KATNIP: variants seen among roughly 807,000 people sequenced by gnomAD.
The protein encoded by KATNIP is katanin interacting protein, also known as katanin-interacting protein.
Under a neutral mutation model 174.0 loss-of-function variants are expected in KATNIP, and 126 were observed. That is an observed-to-expected ratio of 0.72 (90% CI 0.63 to 0.84). The LOEUF (loss-of-function observed/expected upper bound fraction) is 0.84. KATNIP is among the 40% of genes least tolerant of loss of function. The pLI, the probability that KATNIP is intolerant of heterozygous loss-of-function variation, is 0.00. For synonymous variants in KATNIP, 810 were observed against 835.7 expected (o/e 0.97, Z 0.53); for missense variants, 1,958 against 2,109.7 (o/e 0.93, Z 1.41).
chr16:27,702,776 G>A (rs992379501), intron 11 of KATNIP, among the ~76,000 whole-genome samples: 2 of 152,194 alleles, frequency 1.3e-5, no homozygotes, highest in African/African-American at 4.8e-5. Context: ...TAGGCTAAAG[G>A]CAGCGCCATC....
chr16:27,740,837 G>A lies in KATNIP; in HGVS notation c.2540G>A (p.Arg847Lys). ...GACATCTTTAACCAGCCCCCCAACA[G>A]AGAGCGCCCTGCTAGTGGGAGGAGG... Reference protein sequence around the residue: ...DSDIFNQPPNRERPASGRRGS... With the variant: ...DSDIFNQPPNKERPASGRRGS... Residue 847 changes from arginine to lysine, a missense_variant, in exon 15 of 28, where the codon AGA becomes AAA. Coordinates refer to ENST00000261588, the MANE Select transcript of KATNIP (RefSeq NM_015202.5). 5.6e-6 allele frequency: 9 copies of A among 1,613,472 alleles called. No homozygotes were observed. The highest frequency in any genetic ancestry group is 1.1e-5 in the South Asian group (1 of 90,872).
chr16:27,676,501 T>G (rs1263141834), intron 6 of KATNIP, among the ~76,000 whole-genome samples: 2 of 152,202 alleles, frequency 1.3e-5, no homozygotes, highest in African/African-American at 4.8e-5. Context: ...TGGACATCTT[T>G]GGGGAGCCCT....
At chr16:27,746,942 A>T (rs189473092) in intron 15 of KATNIP, among the ~76,000 whole-genome samples, 1 of 152,368 alleles carries the variant, frequency 6.6e-6, no homozygotes, top group African/African-American at 2.4e-5. Flanking sequence ...CATTTTAGGC[A>T]CATAGAGACT....
rs761767672 is a variant in KATNIP, at chr16:27,677,961, C to T, written c.773C>T (p.Thr258Ile). The T allele has an allele frequency of 6.2e-7, 1 of 1,614,198 alleles. No homozygotes were observed. The highest frequency in any genetic ancestry group is 1.3e-5 in the African/African-American group (1 of 75,080). Residue 258 changes from threonine (T) to isoleucine (I), a missense_variant, in exon 7 of 28, where the codon ACC becomes ATC. Coordinates refer to ENST00000261588, the MANE Select transcript of KATNIP (RefSeq NM_015202.5). Reference sequence around the variant, plus strand: ...GGACGCTCTTCTCCAGGCCCAGACACCCTCGTGGTGCTGGAATTTAACCCA... The same window carrying T: ...GGACGCTCTTCTCCAGGCCCAGACATCCTCGTGGTGCTGGAATTTAACCCA... ...TEGRSSPGPD[T>I]LVVLEFNPAS...
chr16:27,687,593 C>T (rs2142873990), intron 8 of KATNIP: 1 of 152,306 alleles, frequency 6.6e-6, no homozygotes, highest in East Asian at 1.9e-4. Flanking sequence ...TCCTCTATTG[C>T]TCCAACCTCA....
chr16:27,554,689 C>G (rs1198602224), intron 1 of KATNIP, among the ~76,000 whole-genome samples: 1 of 151,590 alleles, frequency 6.6e-6, no homozygotes, highest in African/African-American at 2.4e-5. Flanking sequence ...GATTGGCCCC[C>G]AAAAGGAAAA....
intron 2 of KATNIP, among the ~76,000 whole-genome samples, chr16:27,602,066 A>G (rs889568181): frequency 6.6e-6 from 1 of 152,162 alleles, no homozygotes; most frequent in Non-Finnish European, 1.5e-5. Context: ...CAGGTCCACT[A>G]ACAGCACCAG....
chr16:27,559,705 T>G (rs1596710238), intron 1 of KATNIP, among the ~76,000 whole-genome samples: 2 of 127,504 alleles, frequency 1.6e-5, no homozygotes, highest in Non-Finnish European at 1.7e-5. Flanking sequence ...AATAGTAAGG[T>G]CATGGTGGCT....
At chr16:27,745,429 C>T (rs1597359398) in intron 15 of KATNIP, among the ~76,000 whole-genome samples, 1 of 152,222 alleles carries the variant, frequency 6.6e-6, no homozygotes, top group Admixed American at 6.5e-5. Flanking sequence ...GAGGAAATGG[C>T]CTCACAGCCC....
chr16:27,670,481 A>C (rs901104849), intron 6 of KATNIP, among the ~76,000 whole-genome samples: 1 of 152,234 alleles, frequency 6.6e-6, no homozygotes, highest in African/African-American at 2.4e-5. Flanking sequence ...AGAAGAGCTC[A>C]TGAATGCCGT....
In KATNIP at chr16:27,778,967, G is replaced by C. The variant is rs2082602407; in HGVS notation, c.*338G>C. ...CTGACTCAGAACAGGACAATGACGG[G>C]GTGGGGAGGCATCCCATCCAGCCTC... On this transcript the variant is annotated 3_prime_UTR_variant, in exon 28 of 28. Coordinates refer to ENST00000261588, the MANE Select transcript of KATNIP (RefSeq NM_015202.5). 3.9e-6 allele frequency: 1 copy of C among 253,356 alleles called. No homozygotes were observed. The highest frequency in any genetic ancestry group is 1.6e-4 in the South Asian group (1 of 6,304). The allele number at this position is 253,356 out of a possible 1,614,324, so 15.7% of individuals were successfully genotyped here. A position where few individuals can be genotyped will look rare whatever the true frequency, so the allele number is the denominator to read the frequency against.
intron 3 of KATNIP, among the ~76,000 whole-genome samples, chr16:27,623,405 A>G (rs1313501449): frequency 6.6e-6 from 1 of 152,160 alleles, no homozygotes; most frequent in Non-Finnish European, 1.5e-5. Flanking sequence ...TACCCAACCC[A>G]GTATTCATCA....
intron 6 of KATNIP, among the ~76,000 whole-genome samples, chr16:27,670,950 G>A (rs1257879764): frequency 6.6e-6 from 1 of 152,142 alleles, no homozygotes; most frequent in Non-Finnish European, 1.5e-5. Context: ...CAAGCACTTT[G>A]GGAAGCCACG....
chr16:27,594,015 C>T (rs558141234), intron 2 of KATNIP, among the ~76,000 whole-genome samples: 27 of 152,034 alleles, frequency 1.8e-4, no homozygotes, highest in African/African-American at 6.5e-4. Context: ...AAAGTGAGGC[C>T]CTAAGTCACA....
intron 13 of KATNIP, among the ~76,000 whole-genome samples, chr16:27,712,231 T>C (rs2143004383): frequency 6.6e-6 from 1 of 152,332 alleles, no homozygotes; most frequent in African/African-American, 2.4e-5. Flanking sequence ...TGTGTCACCC[T>C]GGGCTGCTGG....
rs182743725 is a variant in KATNIP at position 27,725,491 on chromosome 16, G to A, written c.1743+3796G>A. Among the ~76,000 whole-genome samples the A allele has an allele frequency of 2.7e-4, 41 of 152,280 alleles. No homozygotes were observed. In the East Asian group the frequency reaches 5.0e-3, roughly 19 times the overall value. On this transcript the variant is annotated intron_variant, in intron 14 of 27. Coordinates refer to ENST00000261588, the MANE Select transcript of KATNIP (RefSeq NM_015202.5). ...AGGAGGATGTGATAACATGTGTGTC[G>A]TATCTTTTGGTGTTCCCCAGATTAA...
In KATNIP at chr16:27,740,886, C is replaced by T. The variant is rs1417854548; in HGVS notation, c.2589C>T (p.Ser863=). ...GGGGCTCAAGGAAGGATGCTGGCAG[C>T]AGTAGTCATGGGGACGACCAGCCAG... ...GRRGSRKDAG[S]SSHGDDQPAS... Residue 863 remains serine, a synonymous_variant, in exon 15 of 28, where the codon AGC becomes AGT. Transcript: ENST00000261588. 6.2e-7 allele frequency: 1 copy of T among 1,604,948 alleles called. No individual in the cohort carries two copies. Among genetic ancestry groups the T allele is most frequent in the Non-Finnish European group, 8.5e-7 (1 of 1,176,132 alleles).
intron 14 of KATNIP, among the ~76,000 whole-genome samples, chr16:27,728,518 C>T (rs1172970981): frequency 6.6e-6 from 1 of 150,984 alleles, no homozygotes; most frequent in Non-Finnish European, 1.5e-5. Context: ...GCAAACTCTA[C>T]CCCCTGGGTT....
intron 6 of KATNIP, among the ~76,000 whole-genome samples, chr16:27,671,929 G>GC (rs1340838379): frequency 6.6e-6 from 1 of 152,068 alleles, no homozygotes; most frequent in African/African-American, 2.4e-5. Context: ...GGTGGCGGGC[G>GC]CCTGTGATCC....
Sources: allele counts gnomAD v4.1 joint callset (sites outside exome capture counted in the v4.1 genomes callset), GRCh38; gene constraint gnomAD v4.1.1; transcripts MANE v1.5; gene names NCBI Gene and HGNC (gene_info 2026-07-23, HGNC 2026-07-21).